The following FHIP2B variants were observed in gnomAD, a reference collection of about 807,000 sequenced individuals.
FHIP2B encodes the protein FHF complex subunit HOOK-interacting protein 2B.
Under a neutral mutation model 84.0 loss-of-function variants are expected in FHIP2B, and 72 were observed. That is an observed-to-expected ratio of 0.86 (90% CI 0.71 to 1.04). FHIP2B has a LOEUF of 1.04. FHIP2B is among the 50% of genes least tolerant of loss of function. FHIP2B has a pLI of 0.00. For missense variants in FHIP2B, 972 were observed against 968.9 expected (o/e 1.00, Z -0.04); for synonymous variants, 497 against 418.7 (o/e 1.19, Z -2.28).
In FHIP2B at chr8:22,098,593, T is replaced by C. The variant is rs1825927269; in HGVS notation, c.939T>C (p.Ile313=). Residue 313 remains isoleucine, a synonymous_variant, in exon 7 of 17, where the codon ATT becomes ATC. Transcript: ENST00000289921. ...CTGTCTTCCTGGACCCCGCAGACAT[T>C]GCCACCTTAGAGGGCATCAGCTGGA... ...SMPVFLDPAD[I]ATLEGISWRL... is the part of the protein sequence containing the mutation. 1.9e-6 allele frequency: 3 copies of C among 1,598,346 alleles called. No homozygotes were observed. The highest frequency in any genetic ancestry group is 1.7e-6 in the Non-Finnish European group (2 of 1,172,628).
At position 22,104,229 on chromosome 8, in the gene FHIP2B, G is replaced by C. The variant is rs1490430234; in HGVS notation, c.*1298G>C. 1 of 152,350 alleles carries C rather than the reference G, an allele frequency of 6.6e-6. No homozygotes were observed. The highest frequency in any genetic ancestry group is 1.5e-5 in the Non-Finnish European group (1 of 68,038). 9.4% of individuals were successfully genotyped at this position (152,350 alleles called of 1,614,324 possible). A position where few individuals can be genotyped will look rare whatever the true frequency, so the allele number is the denominator to read the frequency against. On this transcript the variant is annotated 3_prime_UTR_variant, in exon 17 of 17. Transcript: ENST00000289921. ...TGGGTGTTGGTGTGGACGGGGCGCA[G>C]ATCTCCGTGGATGAACTGCGTCTGG...
rs1218389149 is a variant in FHIP2B at position 22,098,439 on chromosome 8, T to G, written c.785T>G (p.Leu262Trp). ...LCQSKKSRVA[L>W]KAQENLLLLV... is the part of the protein sequence containing the mutation. ...ATCCCCTAGAAGAGTCGGGTGGCCT[T>G]GAAGGCCCAGGAGAACCTGCTGCTC... is the stretch of plus-strand genomic sequence containing the variant. The change falls in exon 7 of 17, where the codon TTG (leucine) becomes TGG (tryptophan). Residue 262 changes from leucine to tryptophan, a missense_variant. Coordinates refer to ENST00000289921, the MANE Select transcript of FHIP2B (RefSeq NM_022749.7). 1 of 1,598,358 alleles carries G rather than the reference T, an allele frequency of 6.3e-7. No homozygotes were observed. Among genetic ancestry groups the G allele is most frequent in the Non-Finnish European group, 8.5e-7 (1 of 1,170,074 alleles).
rs758219267 is a variant in FHIP2B, at chr8:22,100,930, C to T, written c.1574C>T (p.Thr525Ile). Residue 525 changes from threonine (T) to isoleucine (I), a missense_variant, in exon 12 of 17, where the codon ACC becomes ATC. Physicochemically the swap from Thr to Ile is moderately conservative, Grantham distance 89 (BLOSUM62 -1). Transcript: ENST00000289921. The stretch of plus-strand genomic sequence containing the variant: ...GCAAAGCCTCGCCTAGCTCCTGCTA[C>T]CAGTTACGATGGCAAAACAGCAGTG... ...TPAKPRLAPA[T>I]SYDGKTAVTE... 6.2e-7 allele frequency: 1 copy of T among 1,613,914 alleles called. No homozygotes were observed. Among genetic ancestry groups the T allele is most frequent in the African/African-American group, 1.3e-5 (1 of 75,034 alleles).
chr8:22,097,647 T>C (rs1825850009), intron 4 of FHIP2B, 27 bp downstream of exon 4: 2 of 1,603,738 alleles, frequency 1.2e-6, no homozygotes, highest in South Asian at 1.1e-5. Flanking sequence ...CCAAGGGGTG[T>C]CTGGGTGTGA....
rs747585450 is a variant in FHIP2B, at chr8:22,101,516, G to T, written c.1693G>T (p.Asp565Tyr). The change falls in exon 13 of 17, where the codon GAT (aspartate) becomes TAT (tyrosine). Residue 565 changes from aspartate to tyrosine, a missense_variant. Coordinates refer to ENST00000289921, the MANE Select transcript of FHIP2B (RefSeq NM_022749.7). ...GACAGGCTATGACACATACGTCCAC[G>T]ATGCTTATGGCCTGGTGAGTGGCTC... ...EETGYDTYVH[D>Y]AYGLFQECSS... 4.7e-5 allele frequency: 75 copies of T among 1,612,082 alleles called. No individual in the cohort carries two copies. The South Asian group carries it at 7.9e-4, about 17-fold the overall frequency.
intron 1 of FHIP2B, 148 bp from the exon 2 acceptor site, chr8:22,094,292 T>C: frequency 1.5e-6 from 1 of 654,800 alleles, no homozygotes; most frequent in Non-Finnish European, 2.4e-6. Context: ...GGAAATGTGT[T>C]ATTCCTCCCT....
chr8:22,094,561 G>C, intron 2 of FHIP2B, 43 bp downstream of exon 2: 1 of 1,606,876 alleles, frequency 6.2e-7, no homozygotes, highest in South Asian at 1.1e-5. Context: ...TGGAGGGAGC[G>C]GGGAGGAAGG....
chr8:22,101,149 A>G, intron 12 of FHIP2B, 177 bp downstream of exon 12: 1 of 777,700 alleles, frequency 1.3e-6, no homozygotes, highest in Non-Finnish European at 2.0e-6. Context: ...CAGCCTCCCG[A>G]GTACCTGGGA....
chr8:22,096,164 T>C, intron 2 of FHIP2B, 173 bp from the exon 3 acceptor site: 1 of 621,846 alleles, frequency 1.6e-6, no homozygotes, highest in South Asian at 2.3e-5. Context: ...TTTGTCTTCT[T>C]AAATATTGAA....
At position 22,098,325 on chromosome 8, in the gene FHIP2B, G is replaced by A; in HGVS notation, c.768+15G>A. Reference sequence around the variant, plus strand: ...GCCAGAGCAAGGTGCTGGCAGCAGAGATGGAGAGGTTGGGGGTGGGGGAAG... The same window carrying A: ...GCCAGAGCAAGGTGCTGGCAGCAGAAATGGAGAGGTTGGGGGTGGGGGAAG... On this transcript the variant is annotated intron_variant, in intron 6 of 16. Coordinates refer to ENST00000289921, the MANE Select transcript of FHIP2B (RefSeq NM_022749.7). 3.3e-6 allele frequency: 4 copies of A among 1,217,210 alleles called. No individual in the cohort carries two copies. The highest frequency in any genetic ancestry group is 3.5e-6 in the Non-Finnish European group (3 of 862,696). 75.4% of individuals were successfully genotyped at this position (1,217,210 alleles called of 1,614,324 possible). A position where few individuals can be genotyped will look rare whatever the true frequency, so the allele number is the denominator to read the frequency against.
At chr8:22,094,328 C>T (rs1563590039) in intron 1 of FHIP2B, 112 bp from the exon 2 acceptor site, 7 of 1,024,042 alleles carry the variant, frequency 6.8e-6, no homozygotes, top group Non-Finnish European at 9.5e-6. Context: ...CAGGGTGCCT[C>T]CTCATGAGGA....
chr8:22,099,636 G>T, intron 9 of FHIP2B, 68 bp from the exon 10 acceptor site: 2 of 1,487,388 alleles, frequency 1.3e-6, no homozygotes, highest in Non-Finnish European at 1.8e-6. Flanking sequence ...AGCAGGAAGG[G>T]TTCGGCCACC....
chr8:22,101,161 T>C (rs1563601601), intron 12 of FHIP2B, 189 bp downstream of exon 12: 1 of 721,486 alleles, frequency 1.4e-6, no homozygotes, highest in East Asian at 2.7e-5. Context: ...TACCTGGGAT[T>C]ACAGACATGC....
intron 10 of FHIP2B, chr8:22,100,103 A>G (rs1340996962): frequency 7.4e-6 from 4 of 537,852 alleles, no homozygotes; most frequent in Middle Eastern, 4.7e-4. Flanking sequence ...GTATTGCTCT[A>G]TCACCCAGGC....
chr8:22,098,689 C>T (rs1825933247), intron 7 of FHIP2B, 70 bp downstream of exon 7: 1 of 1,439,348 alleles, frequency 6.9e-7, no homozygotes, highest in Non-Finnish European at 9.3e-7. Flanking sequence ...CTTTGGTGGC[C>T]AGCTCCCCTG....
chr8:22,097,908 T>C, intron 5 of FHIP2B, 69 bp downstream of exon 5: 5 of 1,583,958 alleles, frequency 3.2e-6, no homozygotes, highest in Non-Finnish European at 4.3e-6. Flanking sequence ...TCTGCCCTCC[T>C]GAGGAGGCAG....
In FHIP2B at chr8:22,089,200, C is replaced by T. The variant is rs1825322898; in HGVS notation, c.-54C>T. 2.9e-6 allele frequency: 3 copies of T among 1,045,644 alleles called. No homozygotes were observed. Among genetic ancestry groups the T allele is most frequent in the Non-Finnish European group, 3.5e-6 (3 of 867,520 alleles). The allele number at this position is 1,045,644 out of a possible 1,614,324, so 64.8% of individuals were successfully genotyped here. ...CGGGGCCACGGGGCTGCCTCCTCCG[C>T]CTAGAGCGCTGCCGCCGCCGCTTTC... On this transcript the variant is annotated 5_prime_UTR_variant, in exon 1 of 17. Transcript: ENST00000289921.
chr8:22,090,773 C>T lies in FHIP2B; in HGVS notation c.45+1475C>T, dbSNP rs112137046. On this transcript the variant is annotated intron_variant, in intron 1 of 16. Coordinates refer to ENST00000289921, the MANE Select transcript of FHIP2B (RefSeq NM_022749.7). Reference sequence around the variant, plus strand: ...CTGAGTAGCTGGGACTACAGGCATGCGGCACCACGCCAGGCTAATTTTTGT... The same window carrying T: ...CTGAGTAGCTGGGACTACAGGCATGTGGCACCACGCCAGGCTAATTTTTGT... 7.5e-4 allele frequency among the ~76,000 whole-genome samples: 114 copies of T among 152,222 alleles called. No homozygotes were observed. The Middle Eastern group carries it at 0.01, about 14-fold the overall frequency.
At position 22,101,754 on chromosome 8, in the gene FHIP2B, C is replaced by T. The variant is rs1826129321; in HGVS notation, c.1754C>T (p.Thr585Ile). The T allele has an allele frequency of 6.2e-7, 1 of 1,613,216 alleles. No individual in the cohort carries two copies. Among genetic ancestry groups the T allele is most frequent in the Admixed American group, 1.7e-5 (1 of 59,968 alleles). ...GTCGCCTCCTGGGGCTGGCCTCTGA[C>T]CCCCACACCTTTGGACCCCCATGAG... ...SRVASWGWPL[T>I]PTPLDPHEPE... The change falls in exon 14 of 17, where the codon ACC becomes ATC. Residue 585 changes from threonine (T) to isoleucine (I), a missense_variant. Coordinates refer to ENST00000289921, the MANE Select transcript of FHIP2B (RefSeq NM_022749.7).
Sources: gnomAD v4.1 joint callset for allele counts (sites outside exome capture counted in the v4.1 genomes callset) on GRCh38, gnomAD v4.1.1 for gene constraint, MANE v1.5 for transcripts, NCBI Gene and HGNC (gene_info 2026-07-23, HGNC 2026-07-21) for gene names.